Variants in AKT2 observed in about 807,000 individuals in gnomAD.
AKT2 encodes RAC-beta serine/threonine-protein kinase.
A neutral mutation model predicts 58.6 loss-of-function variants in AKT2; 16 were observed. The observed-to-expected ratio is 0.27, with a 90% CI of 0.18 to 0.41. AKT2 has a LOEUF of 0.41. Ranked by LOEUF, AKT2 falls within the 10% of genes least tolerant of loss-of-function variation. The pLI is 1.00. For missense variants in AKT2, 438 were observed against 661.0 expected (o/e 0.66, Z 3.70); for synonymous variants, 253 against 254.0 (o/e 1.00, Z 0.04).
intron 2 of AKT2, among the ~76,000 whole-genome samples, chr19:40,262,038 T>C (rs935405980): frequency 6.6e-6 from 1 of 151,980 alleles, no homozygotes; most frequent in Non-Finnish European, 1.5e-5. Flanking sequence ...TCTTGAACTG[T>C]ACACTGGGAT....
At chr19:40,240,149 C>T (rs1446938599) in intron 6 of AKT2, 39 bp from the exon 7 acceptor site, 3 of 1,586,196 alleles carry the variant, frequency 1.9e-6, no homozygotes, top group African/African-American at 1.3e-5. Flanking sequence ...GTGGGCAACA[C>T]CACACCTGCC....
intron 2 of AKT2, 111 bp from the exon 3 acceptor site, chr19:40,257,165 C>T (rs1490588021): frequency 3.7e-6 from 5 of 1,361,418 alleles, no homozygotes; most frequent in East Asian, 4.6e-5. Flanking sequence ...TACCACGGGG[C>T]GGGGAGGTGC....
intron 1 of AKT2, among the ~76,000 whole-genome samples, chr19:40,268,164 G>C (rs1012949558): frequency 6.6e-6 from 1 of 152,138 alleles, no homozygotes. Context: ...CTTCCCAAAT[G>C]GCTGGGAGGG....
intron 1 of AKT2, chr19:40,284,961 C>G (rs2077487140): frequency 8.4e-6 from 3 of 355,768 alleles, no homozygotes; most frequent in African/African-American, 6.4e-5. Flanking sequence ...CAGCGCTCCC[C>G]CCACCGCCTC....
rs982711688 is a variant in AKT2, at chr19:40,230,853, C to T, written c.*3019G>A. On this transcript the variant is annotated 3_prime_UTR_variant, in exon 14 of 14. Transcript: ENST00000392038. ...ACCTCACCTCAGCCTTCCAAGTTAGCTGGGATTGCAGGCATGCACCACCAT... is the reference window on the plus strand; with the variant it reads ...ACCTCACCTCAGCCTTCCAAGTTAGTTGGGATTGCAGGCATGCACCACCAT... The T allele has an allele frequency of 1.0e-4, 19 of 187,780 alleles. No homozygotes were observed. The highest frequency in any genetic ancestry group is 2.0e-4 in the South Asian group (1 of 5,128). 11.6% of individuals were successfully genotyped at this position (187,780 alleles called of 1,614,324 possible). A position where few individuals can be genotyped will look rare whatever the true frequency, so the allele number is the denominator to read the frequency against.
intron 1 of AKT2, among the ~76,000 whole-genome samples, chr19:40,278,932 G>A (rs556735119): frequency 2.0e-5 from 3 of 151,380 alleles, no homozygotes; most frequent in African/African-American, 4.9e-5. Flanking sequence ...AGCTACCCCC[G>A]GGACCAGGTC....
intron 1 of AKT2, chr19:40,282,202 C>A: frequency 4.2e-6 from 1 of 236,042 alleles, no homozygotes; most frequent in South Asian, 4.0e-5. Context: ...ATCATGACTG[C>A]CAACCAAGAC....
At chr19:40,266,835 T>C (rs1450578914) in intron 1 of AKT2, among the ~76,000 whole-genome samples, 1 of 152,166 alleles carries the variant, frequency 6.6e-6, no homozygotes, top group Non-Finnish European at 1.5e-5. Context: ...CCAGGCATGG[T>C]GCTGTGCACC....
chr19:40,238,970 G>C lies in AKT2; in HGVS notation c.643C>G (p.Leu215Val), dbSNP rs1189807846. The change falls in exon 8 of 14, where the codon CTG (leucine) becomes GTG (valine). Residue 215 changes from leucine (L) to valine (V), a missense_variant. Coordinates refer to ENST00000392038, the MANE Select transcript of AKT2 (RefSeq NM_001626.6). The surrounding 1 kb of genome is among the most constrained non-coding windows in gnomAD (Gnocchi z 5.1). ...QNTRHPFLTA[L>V]KYAFQTHDRL... ...TCGTGGGTCTGGAAGGCATACTTCA[G>C]CGCCTGGGGGATGAAGGCAGCAGGG... is the stretch of plus-strand genomic sequence containing the variant. 1 of 1,613,960 alleles carries C rather than the reference G, an allele frequency of 6.2e-7. No individual in the cohort carries two copies. Among genetic ancestry groups the C allele is most frequent in the Admixed American group, 1.7e-5 (1 of 60,020 alleles).
chr19:40,282,557 G>A (rs758685430), intron 1 of AKT2: 15 of 532,500 alleles, frequency 2.8e-5, no homozygotes, highest in Admixed American at 2.7e-4. Flanking sequence ...GTAAGAGGAA[G>A]GAAAGACATA....
rs779749219 is a variant in AKT2, at chr19:40,242,623, C to T, written c.352G>A (p.Asp118Asn). Residue 118 changes from aspartate to asparagine, a missense_variant, in exon 5 of 14, where the codon GAC becomes AAC. Asp to Asn is a conservative substitution (Grantham distance 23, BLOSUM62 1). This residue lies in a region of AKT2 where 244 missense variants were observed against 347.1 expected (regional missense o/e 0.70). Coordinates refer to ENST00000392038, the MANE Select transcript of AKT2 (RefSeq NM_001626.6). The surrounding 1 kb of genome is among the most constrained non-coding windows in gnomAD (Gnocchi z 4.3). Reference protein sequence around the residue: ...NSLKQRAPGEDPMDYKCGSPS... With the variant: ...NSLKQRAPGENPMDYKCGSPS... ...GAGCCACACTTGTAGTCCATGGGGT[C>T]CTCGCCTGGGGCCCGCTGCTTGAGG... is the stretch of plus-strand genomic sequence containing the variant. 19 of 1,613,694 alleles carry T rather than the reference C, an allele frequency of 1.2e-5. No homozygotes were observed. Among genetic ancestry groups the T allele is most frequent in the Non-Finnish European group, 1.6e-5 (19 of 1,180,010 alleles).
At position 40,238,890 on chromosome 19, in the gene AKT2, G is replaced by A. The variant is rs372881408; in HGVS notation, c.708+15C>T. ...GGAGGCCCCAGAGGGCAAAGTCAAG[G>A]CAGCCGCGGCTCACCTCACCCCCGT... On this transcript the variant is annotated intron_variant, in intron 8 of 13. Transcript: ENST00000392038. This position sits in a 1 kb window ranked among gnomAD's most constrained non-coding sequence, Gnocchi z 5.1. 1.4e-5 allele frequency: 23 copies of A among 1,613,994 alleles called. No homozygotes were observed. Among genetic ancestry groups the A allele is most frequent in the Non-Finnish European group, 1.7e-5 (20 of 1,179,944 alleles).
chr19:40,247,349 T>G (rs533617946), intron 4 of AKT2, among the ~76,000 whole-genome samples: 1 of 152,276 alleles, frequency 6.6e-6, no homozygotes, highest in Non-Finnish European at 1.5e-5. Context: ...TCAAGAGCAC[T>G]GCAATTCTCA....
At position 40,255,564 on chromosome 19, in the gene AKT2, T is replaced by C. The variant is rs560936821; in HGVS notation, c.176-295A>G. On this transcript the variant is annotated intron_variant, in intron 3 of 13. Transcript: ENST00000392038. ...GTAGCATCCAACCCAGCCTGGGGGG[T>C]TGGGGGGCTTCCCAGAGGAAGCAGC... Among the ~76,000 whole-genome samples, 8 of 150,924 alleles carry C rather than the reference T, an allele frequency of 5.3e-5. No individual in the cohort carries two copies. In the East Asian group the frequency reaches 1.6e-3, roughly 30 times the overall value.
Position 40,235,792 on chromosome 19 carries a change from CTACA to C in AKT2, c.1175+94_1175+97del, listed in dbSNP as rs1973984205. On this transcript the variant is annotated intron_variant, in intron 11 of 13. Transcript: ENST00000392038. This position sits in a 1 kb window ranked among gnomAD's most constrained non-coding sequence, Gnocchi z 6.3. ...TGTGTGGGGACGACACACTGCGACC[CTACA>C]AGCGAGCACCCTTGTGGACGCTGCC... 3 of 1,294,924 alleles carry C rather than the reference CTACA, an allele frequency of 2.3e-6. No individual in the cohort carries two copies. The highest frequency in any genetic ancestry group is 3.2e-6 in the Non-Finnish European group (3 of 950,336). The allele number at this position is 1,294,924 out of a possible 1,614,324, so 80.2% of individuals were successfully genotyped here.
At chr19:40,275,144 C>T (rs1388697556) in intron 1 of AKT2, 1 of 456,688 alleles carries the variant, frequency 2.2e-6, no homozygotes, top group African/African-American at 2.0e-5. Flanking sequence ...GAGCCCGGAC[C>T]CCTCTCCTCC....
rs1974443056 is a variant in AKT2, at chr19:40,242,078, G to C, written c.442-9C>G. The stretch of plus-strand genomic sequence containing the variant: ...TCGAAGTCATTCATGGTCTGCCAGG[G>C]ACAGGGAGAGTGGGGGCAGTCAGCG... On this transcript the variant is annotated splice_polypyrimidine_tract_variant and intron_variant, in intron 5 of 13. Coordinates refer to ENST00000392038, the MANE Select transcript of AKT2 (RefSeq NM_001626.6). This position sits in a 1 kb window ranked among gnomAD's most constrained non-coding sequence, Gnocchi z 4.3. 1 of 1,614,046 alleles carries C rather than the reference G, an allele frequency of 6.2e-7. No homozygotes were observed. The highest frequency in any genetic ancestry group is 1.1e-5 in the South Asian group (1 of 91,084).
At chr19:40,240,318 G>A in intron 6 of AKT2, 1 of 748,732 alleles carries the variant, frequency 1.3e-6, no homozygotes, top group Non-Finnish European at 2.5e-6. Flanking sequence ...AGCCACAGGT[G>A]AAAAGTCAGC....
Position 40,232,018 on chromosome 19 carries a change from C to A in AKT2, c.*1854G>T. On this transcript the variant is annotated 3_prime_UTR_variant, in exon 14 of 14. Transcript: ENST00000392038. The stretch of plus-strand genomic sequence containing the variant: ...AGGCACCCTCCTCATTCTGGGCTAC[C>A]CAGATCTTCCAGCCCTGTCCCTCCA... 1.3e-5 allele frequency: 3 copies of A among 233,614 alleles called. No individual in the cohort carries two copies. Among genetic ancestry groups the A allele is most frequent in the Non-Finnish European group, 2.5e-5 (3 of 118,312 alleles). 14.5% of individuals were successfully genotyped at this position (233,614 alleles called of 1,614,324 possible). A position where few individuals can be genotyped will look rare whatever the true frequency, so the allele number is the denominator to read the frequency against.
Sources: allele counts gnomAD v4.1 joint callset (sites outside exome capture counted in the v4.1 genomes callset), GRCh38; gene constraint gnomAD v4.1.1; regional missense constraint gnomAD v4.1.1; non-coding constraint Gnocchi (gnomAD v3.1); transcripts MANE v1.5; gene names NCBI Gene and HGNC (gene_info 2026-07-23, HGNC 2026-07-21).